The following TAS2R1 variants were observed in gnomAD, a reference collection of about 807,000 sequenced individuals.
TAS2R1 encodes the protein taste 2 receptor member 1.
For synonymous variants in TAS2R1, 141 were observed against 134.2 expected (o/e 1.05, Z -0.35); for missense variants, 370 against 353.4 (o/e 1.05, Z -0.38).
At chr5:9,699,646 T>C (rs12519432) in intron 1 of TAS2R1, among the ~76,000 whole-genome samples, 33,979 of 152,060 alleles carry the variant, frequency 0.22, 4,327 homozygotes, top group Non-Finnish European at 0.29. Flanking sequence ...GTGCTGCTTT[T>C]ATGAAGTCTC....
At chr5:9,638,939 C>T (rs1740020087) in intron 2 of TAS2R1, among the ~76,000 whole-genome samples, 1 of 152,172 alleles carries the variant, frequency 6.6e-6, no homozygotes, top group Non-Finnish European at 1.5e-5. Context: ...CCAGCTCCCA[C>T]ACAGTTGGTG....
chr5:9,840,213 C>T, the TAS2R1 span, among the ~76,000 whole-genome samples: 17 of 152,284 alleles, frequency 1.1e-4, no homozygotes, highest in Admixed American at 9.8e-4. Context: ...AGATATTCCT[C>T]ACTCTTCTTC....
At chr5:9,641,032 C>T (rs554647278) in intron 2 of TAS2R1, among the ~76,000 whole-genome samples, 16 of 151,762 alleles carry the variant, frequency 1.1e-4, no homozygotes, top group African/African-American at 3.6e-4. Context: ...CCTGGCATTT[C>T]AGTATTGCAA....
At chr5:9,839,638 T>A in the TAS2R1 span, among the ~76,000 whole-genome samples, 1 of 152,112 alleles carries the variant, frequency 6.6e-6, no homozygotes, top group African/African-American at 2.4e-5. Context: ...CAGCTGTCAA[T>A]AAAGAATGAA....
chr5:9,705,616 T>C (rs1487625516), intron 1 of TAS2R1, among the ~76,000 whole-genome samples: 1 of 152,132 alleles, frequency 6.6e-6, no homozygotes, highest in African/African-American at 2.4e-5. Flanking sequence ...CGCAGCACTT[T>C]GGAAGGCTGA....
chr5:9,764,119 A>G, the TAS2R1 span, among the ~76,000 whole-genome samples: 1 of 152,252 alleles, frequency 6.6e-6, no homozygotes, highest in East Asian at 1.9e-4. Context: ...CTACAGAAAG[A>G]CAGACTATTT....
chr5:9,871,033 G>A, the TAS2R1 span, among the ~76,000 whole-genome samples: 1 of 152,208 alleles, frequency 6.6e-6, no homozygotes, highest in Non-Finnish European at 1.5e-5. Context: ...TGCAGGGTTT[G>A]AATCACCTAG....
At chr5:9,809,063 C>T in the TAS2R1 span, among the ~76,000 whole-genome samples, 2 of 152,300 alleles carry the variant, frequency 1.3e-5, no homozygotes, top group Non-Finnish European at 1.5e-5. Context: ...GGAATGAGAA[C>T]GTCTATCCTA....
the TAS2R1 span, among the ~76,000 whole-genome samples, chr5:9,838,717 C>T: frequency 5.9e-5 from 9 of 152,152 alleles, no homozygotes; most frequent in Non-Finnish European, 1.2e-4. Flanking sequence ...TCCTAGCAAG[C>T]CCAATAAAAT....
the TAS2R1 span, among the ~76,000 whole-genome samples, chr5:9,813,067 G>A: frequency 1.2e-4 from 19 of 152,088 alleles, no homozygotes; most frequent in Non-Finnish European, 2.8e-4. Flanking sequence ...CTTTATAGAG[G>A]TAATCAAGTT....
upstream of TAS2R1, among the ~76,000 whole-genome samples, chr5:9,715,831 C>T (rs1020137357): frequency 1.3e-5 from 2 of 152,146 alleles, no homozygotes; most frequent in African/African-American, 4.8e-5. Flanking sequence ...CCCTGAGATG[C>T]CTTCAGTGAG....
chr5:9,643,441 G>T (rs1353267908), intron 2 of TAS2R1, among the ~76,000 whole-genome samples: 4 of 152,182 alleles, frequency 2.6e-5, no homozygotes, highest in Admixed American at 2.0e-4. Context: ...TCATATGTGT[G>T]TAGGGCAATT....
At chr5:9,828,527 G>A in the TAS2R1 span, among the ~76,000 whole-genome samples, 1 of 152,200 alleles carries the variant, frequency 6.6e-6, no homozygotes, top group Non-Finnish European at 1.5e-5. Flanking sequence ...GTGACATGAG[G>A]CAGGCTGTTA....
the TAS2R1 span, among the ~76,000 whole-genome samples, chr5:9,753,358 C>T: frequency 8.5e-5 from 13 of 152,226 alleles, no homozygotes; most frequent in African/African-American, 1.2e-4. Flanking sequence ...TTTTGAGAAG[C>T]ATCTGTTCAT....
chr5:9,703,092 G>A (rs1741526573), intron 1 of TAS2R1, among the ~76,000 whole-genome samples: 1 of 152,174 alleles, frequency 6.6e-6, no homozygotes, highest in African/African-American at 2.4e-5. Flanking sequence ...CTGGCCTCCT[G>A]AAAGAATGAA....
At chr5:9,729,966 G>C in the TAS2R1 span, among the ~76,000 whole-genome samples, 5 of 152,140 alleles carry the variant, frequency 3.3e-5, no homozygotes, top group Non-Finnish European at 7.4e-5. Context: ...CTGGTGGAAT[G>C]GTAGATAAAG....
chr5:9,755,684 T>C, the TAS2R1 span, among the ~76,000 whole-genome samples: 1 of 152,182 alleles, frequency 6.6e-6, no homozygotes, highest in Admixed American at 6.5e-5. Context: ...TGTCCGTTTT[T>C]ATAGTTATTT....
chr5:9,680,983 A>G (rs1040347223), intron 1 of TAS2R1, among the ~76,000 whole-genome samples: 1 of 152,144 alleles, frequency 6.6e-6, no homozygotes, highest in Admixed American at 6.5e-5. Context: ...AATCACTAGA[A>G]CCCAGGAGGC....
chr5:9,659,213 C>T (rs1740479196), intron 2 of TAS2R1, among the ~76,000 whole-genome samples: 1 of 152,100 alleles, frequency 6.6e-6, no homozygotes, highest in Admixed American at 6.5e-5. Flanking sequence ...CCGTGTGACC[C>T]AGGGGAGCAC....
Sources: gnomAD v4.1 joint callset for allele counts (sites outside exome capture counted in the v4.1 genomes callset) on GRCh38, gnomAD v4.1.1 for gene constraint, MANE v1.5 for transcripts, NCBI Gene and HGNC (gene_info 2026-07-23, HGNC 2026-07-21) for gene names.